The following THEMIS variants were observed in gnomAD, a reference collection of about 807,000 sequenced individuals.
The protein encoded by THEMIS is thymocyte selection associated.
In THEMIS, 37 loss-of-function variants were observed where a neutral mutation model predicts 52.6. That is an observed-to-expected ratio of 0.70 (90% CI 0.54 to 0.93). The LOEUF is 0.93. THEMIS is among the 40% of genes least tolerant of loss of function. The pLI is 0.00. For missense variants in THEMIS, 808 were observed against 763.1 expected (o/e 1.06, Z -0.69); for synonymous variants, 292 against 272.7 (o/e 1.07, Z -0.70).
At chr6:127,700,193 TTAGAG>T in the THEMIS span, among the ~76,000 whole-genome samples, 1 of 151,850 alleles carries the variant, frequency 6.6e-6, no homozygotes, top group Non-Finnish European at 1.5e-5. Flanking sequence ...AAGGAAAACA[TTAGAG>T]TAGTCTTCCT....
At chr6:127,710,989 CCCTT>C (rs200901208) in intron 5 of THEMIS, among the ~76,000 whole-genome samples, 42,484 of 143,102 alleles carry the variant, frequency 0.3, 8,162 homozygotes, top group Non-Finnish European at 0.44. Flanking sequence ...CTCCCTCCCT[CCCTT>C]CCTTCCTTCC....
At chr6:127,769,894 T>C (rs1410224282) in intron 4 of THEMIS, among the ~76,000 whole-genome samples, 1 of 152,190 alleles carries the variant, frequency 6.6e-6, no homozygotes, top group Non-Finnish European at 1.5e-5. Flanking sequence ...GTCCTTGTGA[T>C]AGTTTGCTCA....
At chr6:127,888,463 T>C (rs960785634) in intron 1 of THEMIS, among the ~76,000 whole-genome samples, 5 of 152,020 alleles carry the variant, frequency 3.3e-5, no homozygotes, top group Admixed American at 6.6e-5. Flanking sequence ...CTATAAAGCA[T>C]GGGGAAAAGG....
intron 4 of THEMIS, chr6:127,807,444 A>T: frequency 5.5e-6 from 1 of 182,658 alleles, no homozygotes; most frequent in South Asian, 7.3e-5. Flanking sequence ...TGTATCTCAC[A>T]GTCAAAATTT....
intron 1 of THEMIS, among the ~76,000 whole-genome samples, chr6:127,869,192 G>T (rs962773420): frequency 1.3e-5 from 2 of 151,966 alleles, no homozygotes; most frequent in Non-Finnish European, 2.9e-5. Flanking sequence ...CTTACCATAG[G>T]GTTACATCCA....
At chr6:127,849,758 G>A (rs944907101) in intron 2 of THEMIS, among the ~76,000 whole-genome samples, 1 of 151,942 alleles carries the variant, frequency 6.6e-6, no homozygotes, top group East Asian at 1.9e-4. Context: ...ATGGGTCAAA[G>A]GTTGATATAT....
chr6:127,838,372 T>C (rs917504034), intron 2 of THEMIS, among the ~76,000 whole-genome samples: 4 of 152,094 alleles, frequency 2.6e-5, no homozygotes. Context: ...TATAAACCAT[T>C]TGAATTTCTT....
Position 127,829,932 on chromosome 6 carries a change from G to C in THEMIS, c.253C>G (p.Leu85Val), listed in dbSNP as rs759436529. Residue 85 changes from leucine to valine, a missense_variant and splice_region_variant, in exon 3 of 6, where the codon CTT becomes GTT. Physicochemically the swap from Leu to Val is conservative, Grantham distance 32. Transcript: ENST00000368248. ...GTTTTATCAGCCACAATCTTAAAAA[G>C]ACCTAAGAACAGAATTACGTGAATT... is the stretch of plus-strand genomic sequence containing the variant. Reference protein sequence around the residue: ...PFELPMNFPGLFKIVADKTPY... With the variant: ...PFELPMNFPGVFKIVADKTPY... 2 of 1,603,506 alleles carry C rather than the reference G, an allele frequency of 1.2e-6. No individual in the cohort carries two copies. The highest frequency in any genetic ancestry group is 1.7e-6 in the Non-Finnish European group (2 of 1,174,820).
At chr6:127,747,644 G>A (rs550662241) in intron 4 of THEMIS, among the ~76,000 whole-genome samples, 1 of 151,708 alleles carries the variant, frequency 6.6e-6, no homozygotes, top group South Asian at 2.1e-4. Flanking sequence ...CTTTTCCCAT[G>A]ATAATCATTT....
At chr6:127,786,728 C>T (rs1776961884) in intron 4 of THEMIS, among the ~76,000 whole-genome samples, 2 of 152,128 alleles carry the variant, frequency 1.3e-5, no homozygotes, top group South Asian at 4.1e-4. Flanking sequence ...AGCATAAAGG[C>T]AATGACCACT....
chr6:127,745,270 C>T (rs1286709707), intron 4 of THEMIS, among the ~76,000 whole-genome samples: 1 of 151,678 alleles, frequency 6.6e-6, no homozygotes, highest in African/African-American at 2.4e-5. Flanking sequence ...GAAAATATGC[C>T]TAAGCAATTA....
chr6:127,766,733 T>C (rs765572768), intron 4 of THEMIS, among the ~76,000 whole-genome samples: 8 of 152,038 alleles, frequency 5.3e-5, no homozygotes, highest in African/African-American at 1.9e-4. Flanking sequence ...TAAACATATA[T>C]AAAATAGAAA....
chr6:127,867,773 T>C (rs570024681), intron 1 of THEMIS, among the ~76,000 whole-genome samples: 1 of 152,280 alleles, frequency 6.6e-6, no homozygotes, highest in Admixed American at 6.5e-5. Flanking sequence ...AATTAGACTA[T>C]GCTATGCCTG....
chr6:127,770,384 C>T (rs902217548), intron 4 of THEMIS, among the ~76,000 whole-genome samples: 2 of 152,174 alleles, frequency 1.3e-5, no homozygotes, highest in Non-Finnish European at 2.9e-5. Flanking sequence ...TGATGGTGAG[C>T]ATTTTTTCAT....
chr6:127,716,757 T>C (rs1166315871), intron 5 of THEMIS, among the ~76,000 whole-genome samples: 1 of 151,958 alleles, frequency 6.6e-6, no homozygotes, highest in Non-Finnish European at 1.5e-5. Context: ...TTACTAAAAA[T>C]AGACCTTAAG....
chr6:127,909,647 C>T (rs1781362056), intron 1 of THEMIS, among the ~76,000 whole-genome samples: 1 of 151,994 alleles, frequency 6.6e-6, no homozygotes, highest in South Asian at 2.1e-4. Context: ...GTAACCAAAG[C>T]TTTGTAATAT....
intron 2 of THEMIS, among the ~76,000 whole-genome samples, chr6:127,839,438 T>C (rs1778972614): frequency 6.6e-6 from 1 of 152,244 alleles, no homozygotes; most frequent in Admixed American, 6.5e-5. Flanking sequence ...CAATATTTTG[T>C]CTCATTTGAT....
chr6:127,825,223 A>T (rs1473518083), intron 3 of THEMIS, among the ~76,000 whole-genome samples: 2 of 152,156 alleles, frequency 1.3e-5, no homozygotes, highest in Non-Finnish European at 2.9e-5. Context: ...AGACAGAGAG[A>T]AGAGAAAATA....
At chr6:127,839,695 T>C (rs1336853409) in intron 2 of THEMIS, among the ~76,000 whole-genome samples, 1 of 152,044 alleles carries the variant, frequency 6.6e-6, no homozygotes, top group Admixed American at 6.6e-5. Context: ...TAAAAGTCTT[T>C]TAATTCATTA....
Sources: allele counts gnomAD v4.1 joint callset (sites outside exome capture counted in the v4.1 genomes callset), GRCh38; gene constraint gnomAD v4.1.1; transcripts MANE v1.5; gene names NCBI Gene and HGNC (gene_info 2026-07-23, HGNC 2026-07-21).